CREB5: variants seen among roughly 807,000 people sequenced by gnomAD.
CREB5 encodes the protein cAMP responsive element binding protein 5, also known as cyclic AMP-responsive element-binding protein 5.
Under a neutral mutation model 57.1 loss-of-function variants are expected in CREB5, and 19 were observed. The ratio of observed to expected loss-of-function variants is 0.33; its 90% CI spans 0.23 to 0.49. The LOEUF is 0.49. Ranked by LOEUF, CREB5 falls within the 20% of genes least tolerant of loss-of-function variation. The pLI is 0.99. For synonymous variants in CREB5, 238 were observed against 238.3 expected (o/e 1.00, Z 0.01); for missense variants, 579 against 671.6 (o/e 0.86, Z 1.52).
intron 4 of CREB5, among the ~76,000 whole-genome samples, chr7:28,561,749 A>G (rs1030592498): frequency 3.9e-5 from 6 of 152,160 alleles, no homozygotes; most frequent in Non-Finnish European, 7.4e-5. Context: ...CAGTTATGTC[A>G]TTTTTATTTT....
chr7:28,496,957 G>A (rs1792084673), intron 3 of CREB5, among the ~76,000 whole-genome samples: 1 of 152,156 alleles, frequency 6.6e-6, no homozygotes. Context: ...ATGTTCTATA[G>A]AGTCAATGTA....
intron 1 of CREB5, among the ~76,000 whole-genome samples, chr7:28,313,699 G>A (rs943728183): frequency 2.0e-5 from 3 of 152,198 alleles, no homozygotes; most frequent in African/African-American, 2.4e-5. Flanking sequence ...CTCAATGGAT[G>A]TAGATTTCTA....
At chr7:28,519,891 C>T (rs987017129) in intron 4 of CREB5, among the ~76,000 whole-genome samples, 5 of 152,166 alleles carry the variant, frequency 3.3e-5, no homozygotes, top group African/African-American at 4.8e-5. Context: ...AACCAAATCA[C>T]GTAACAGTGG....
intron 7 of CREB5, among the ~76,000 whole-genome samples, chr7:28,739,358 G>A (rs1372111438): frequency 6.6e-6 from 1 of 152,174 alleles, no homozygotes; most frequent in Non-Finnish European, 1.5e-5. Context: ...GTTCAGTAGC[G>A]CTGGTCTCAG....
chr7:28,342,486 TCAAA>T (rs1785956133), intron 1 of CREB5, among the ~76,000 whole-genome samples: 2 of 152,230 alleles, frequency 1.3e-5, no homozygotes, highest in African/African-American at 4.8e-5. Context: ...GATCAGTACA[TCAAA>T]CAACTCAATT....
chr7:28,494,438 T>G (rs1791931861), intron 2 of CREB5, among the ~76,000 whole-genome samples: 1 of 152,210 alleles, frequency 6.6e-6, no homozygotes, highest in Admixed American at 6.5e-5. Context: ...TCCTGTTTTA[T>G]TCCTTAAATA....
intron 1 of CREB5, among the ~76,000 whole-genome samples, chr7:28,434,478 T>G (rs1338313904): frequency 1.3e-5 from 2 of 152,100 alleles, no homozygotes; most frequent in Non-Finnish European, 2.9e-5. Context: ...TTTCTTACAA[T>G]ATAGAAACAA....
intron 5 of CREB5, among the ~76,000 whole-genome samples, chr7:28,691,315 G>GA: frequency 6.6e-6 from 1 of 150,578 alleles, no homozygotes; most frequent in Non-Finnish European, 1.5e-5. Context: ...AGCTACTCGG[G>GA]AAGCTGAGGC....
At chr7:28,575,873 A>G (rs1004815864) in intron 5 of CREB5, among the ~76,000 whole-genome samples, 3 of 152,118 alleles carry the variant, frequency 2.0e-5, no homozygotes, top group Admixed American at 6.5e-5. Flanking sequence ...ACCTCTGACA[A>G]GGGGGCCGGC....
Position 28,325,543 on chromosome 7 carries a change from A to T in CREB5, c.-25+26102A>T, listed in dbSNP as rs191526881. Among the ~76,000 whole-genome samples the T allele has an allele frequency of 7.0e-4, 106 of 152,198 alleles. 1 individual carries two copies. The highest frequency in any genetic ancestry group is 3.4e-3 in the Middle Eastern group (1 of 292). On this transcript the variant is annotated intron_variant, in intron 1 of 9. Coordinates refer to the CREB5 transcript ENST00000396299. ...TGGGAATAAAATCTGACCTTCTTGC[A>T]CTGGTTATGCCCTACCTGGTCTAGA...
chr7:28,629,709 T>A (rs1252479480), intron 5 of CREB5, among the ~76,000 whole-genome samples: 3 of 152,194 alleles, frequency 2.0e-5, no homozygotes, highest in African/African-American at 7.2e-5. Flanking sequence ...GATTCATATG[T>A]TCCCAATGGC....
intron 5 of CREB5, among the ~76,000 whole-genome samples, chr7:28,676,072 AAGG>A (rs2128721802): frequency 6.6e-6 from 1 of 152,214 alleles, no homozygotes; most frequent in African/African-American, 2.4e-5. Flanking sequence ...TCCTCTGAGT[AAGG>A]GGGTATAAAA....
chr7:28,592,066 G>A (rs934736652), intron 5 of CREB5, among the ~76,000 whole-genome samples: 2 of 152,156 alleles, frequency 1.3e-5, no homozygotes, highest in East Asian at 1.9e-4. Flanking sequence ...TATCAGATCA[G>A]GCCATCACAG....
At chr7:28,772,988 G>A (rs922325362) in intron 7 of CREB5, among the ~76,000 whole-genome samples, 2 of 152,196 alleles carry the variant, frequency 1.3e-5, no homozygotes, top group Admixed American at 1.3e-4. Flanking sequence ...TGTATCTAAT[G>A]TATGGGTTAT....
chr7:28,355,651 C>G (rs1005354740), intron 1 of CREB5, among the ~76,000 whole-genome samples: 1 of 152,128 alleles, frequency 6.6e-6, no homozygotes, highest in South Asian at 2.1e-4. Context: ...AAATGGTATT[C>G]GCATGTACAG....
chr7:28,530,199 T>G (rs73079806), intron 4 of CREB5, among the ~76,000 whole-genome samples: 234 of 145,298 alleles, frequency 1.6e-3, no homozygotes, highest in Non-Finnish European at 2.6e-3. Flanking sequence ...TGGTACACAC[T>G]GTCACAGGCT....
intron 1 of CREB5, among the ~76,000 whole-genome samples, chr7:28,475,722 TC>T (rs1024902286): frequency 1.3e-5 from 2 of 152,152 alleles, no homozygotes; most frequent in African/African-American, 4.8e-5. Flanking sequence ...TTCTGAACTC[TC>T]CTTTCTTCCT....
chr7:28,567,849 G>A (rs1421375351), intron 4 of CREB5, among the ~76,000 whole-genome samples: 1 of 152,174 alleles, frequency 6.6e-6, no homozygotes, highest in Non-Finnish European at 1.5e-5. Flanking sequence ...GAGGTAGGAA[G>A]GGTCCCACAC....
intron 7 of CREB5, among the ~76,000 whole-genome samples, chr7:28,725,090 T>C (rs1803261162): frequency 6.6e-6 from 1 of 152,234 alleles, no homozygotes; most frequent in African/African-American, 2.4e-5. Flanking sequence ...TAATAAGGTA[T>C]CACATGACTG....
Sources: gnomAD v4.1 joint callset for allele counts (sites outside exome capture counted in the v4.1 genomes callset) on GRCh38, gnomAD v4.1.1 for gene constraint, MANE v1.5 for transcripts, NCBI Gene and HGNC (gene_info 2026-07-23, HGNC 2026-07-21) for gene names.